Variants in CFTR observed in about 807,000 individuals in gnomAD.
The protein encoded by CFTR is CF transmembrane conductance regulator, also known as cystic fibrosis transmembrane conductance regulator.
In CFTR, 181 loss-of-function variants were observed where a neutral mutation model predicts 171.6. The observed-to-expected ratio is 1.05, with a 90% CI of 0.93 to 1.19. The LOEUF is 1.19. Ranked by LOEUF, CFTR falls within the 50% of genes most tolerant of loss-of-function variation. The pLI is 0.00. For synonymous variants in CFTR, 583 were observed against 608.0 expected, an observed-to-expected ratio of 0.96 and a Z score of 0.60; for missense variants, 1,968 against 1,734.7, an observed-to-expected ratio of 1.13 and a Z score of -2.39.
At position 117,481,217 on chromosome 7, in the gene CFTR, C is replaced by T. The variant is rs1355126682; in HGVS notation, c.53+1070C>T. ...GTTGGCCCTTGAAGGAGAGCTCCTCCCTGTGGATGAGAGAGAAGGACTTTA... is the reference window on the plus strand; with the variant it reads ...GTTGGCCCTTGAAGGAGAGCTCCTCTCTGTGGATGAGAGAGAAGGACTTTA... On this transcript the variant is annotated intron_variant, in intron 1 of 26. Transcript: ENST00000003084. 3.3e-5 allele frequency among the ~76,000 whole-genome samples: 5 copies of T among 152,260 alleles called. 1 individual carries two copies. The highest frequency in any genetic ancestry group is 3.3e-4 in the Admixed American group (5 of 15,302).
chr7:117,549,377 A>C (rs1323027311), intron 10 of CFTR, among the ~76,000 whole-genome samples: 1 of 152,204 alleles, frequency 6.6e-6, no homozygotes, highest in African/African-American at 2.4e-5. Context: ...CCACCCTAAG[A>C]ACAACTTAAC....
chr7:117,573,313 TATA>T (rs1348307275), intron 11 of CFTR, among the ~76,000 whole-genome samples: 4 of 152,198 alleles, frequency 2.6e-5, no homozygotes, highest in South Asian at 2.1e-4. Flanking sequence ...GCACACTTAT[TATA>T]ATATTACTTT....
At chr7:117,505,168 G>A (rs920400789) in intron 2 of CFTR, among the ~76,000 whole-genome samples, 14 of 152,102 alleles carry the variant, frequency 9.2e-5, no homozygotes, top group Admixed American at 1.3e-4. Context: ...AGCAAACTGA[G>A]GCTCAGAGAG....
chr7:117,617,819 A>C (rs2116104505), intron 21 of CFTR, among the ~76,000 whole-genome samples: 1 of 152,238 alleles, frequency 6.6e-6, no homozygotes, highest in Middle Eastern at 3.4e-3. Context: ...ACATATAGCA[A>C]AATATTTGAG....
At chr7:117,626,481 G>A (rs1197251982) in intron 21 of CFTR, among the ~76,000 whole-genome samples, 1 of 151,994 alleles carries the variant, frequency 6.6e-6, no homozygotes, top group African/African-American at 2.4e-5. Flanking sequence ...AATAAAGCCA[G>A]CATCAATAAT....
At position 117,590,445 on chromosome 7, in the gene CFTR, T is replaced by C; in HGVS notation, c.1766+6T>C. On this transcript the variant is annotated splice_donor_region_variant and intron_variant, in intron 13 of 26. Transcript: ENST00000003084. ...GAAAAAGAAATATTTGAAAGGTATG[T>C]TCTTTGAATACCTTACTTATAATGC... The C allele has an allele frequency of 6.3e-7, 1 of 1,598,534 alleles. No homozygotes were observed. Among genetic ancestry groups the C allele is most frequent in the African/African-American group, 1.3e-5 (1 of 74,720 alleles).
chr7:117,556,080 A>T (rs79695770), intron 10 of CFTR, among the ~76,000 whole-genome samples: 1 of 152,202 alleles, frequency 6.6e-6, no homozygotes, highest in African/African-American at 2.4e-5. Flanking sequence ...TATTACTATT[A>T]TTTTTGAGAC....
At chr7:117,579,377 A>G (rs1791818685) in intron 11 of CFTR, among the ~76,000 whole-genome samples, 1 of 151,988 alleles carries the variant, frequency 6.6e-6, no homozygotes, top group South Asian at 2.1e-4. Context: ...TTCACCTAAG[A>G]AGAAAAAATA....
chr7:117,552,375 A>G (rs1171843285), intron 10 of CFTR, among the ~76,000 whole-genome samples: 2 of 152,178 alleles, frequency 1.3e-5, no homozygotes, highest in East Asian at 3.8e-4. Flanking sequence ...ATGTGAAAAT[A>G]TCACTTCTAG....
chr7:117,510,692 C>T (rs1204240717), intron 3 of CFTR, among the ~76,000 whole-genome samples: 1 of 152,020 alleles, frequency 6.6e-6, no homozygotes, highest in Non-Finnish European at 1.5e-5. Flanking sequence ...TTCATGTATG[C>T]AAAAACACCC....
At chr7:117,640,939 T>C (rs779363582) in intron 22 of CFTR, among the ~76,000 whole-genome samples, 3 of 152,260 alleles carry the variant, frequency 2.0e-5, no homozygotes, top group East Asian at 1.9e-4. Flanking sequence ...AAGAATTCAA[T>C]GCAAAACAAG....
chr7:117,563,500 T>A (rs892408884), intron 11 of CFTR, among the ~76,000 whole-genome samples: 3 of 151,678 alleles, frequency 2.0e-5, no homozygotes, highest in African/African-American at 4.8e-5. Flanking sequence ...AAAGAGTGAT[T>A]TTTTTTCTTC....
Position 117,513,586 on chromosome 7 carries a change from A to T in CFTR, c.273+4444A>T, listed in dbSNP as rs541467508. Among the ~76,000 whole-genome samples the T allele has an allele frequency of 2.4e-4, 36 of 152,312 alleles. No individual in the cohort carries two copies. In the South Asian group the frequency reaches 6.6e-3, roughly 28 times the overall value. The stretch of plus-strand genomic sequence containing the variant: ...CCATTTCAAAATATGTGAATGAAAT[A>T]TATGTGGGGGTAAACTATTTTTATT... On this transcript the variant is annotated intron_variant, in intron 3 of 26. Transcript: ENST00000003084.
chr7:117,503,983 G>A (rs2116634682), intron 1 of CFTR, among the ~76,000 whole-genome samples: 1 of 152,214 alleles, frequency 6.6e-6, no homozygotes, highest in African/African-American at 2.4e-5. Flanking sequence ...ATGTTTAGCA[G>A]TTTGTTTTTT....
intron 11 of CFTR, among the ~76,000 whole-genome samples, chr7:117,566,307 C>T (rs1378107367): frequency 4.0e-5 from 6 of 150,908 alleles, no homozygotes; most frequent in Non-Finnish European, 8.9e-5. Flanking sequence ...TGGTGGTGCA[C>T]GTTTGTAGTC....
At chr7:117,615,253 TAAATTGTAGG>T (rs757292889) in intron 21 of CFTR, among the ~76,000 whole-genome samples, 23 of 152,226 alleles carry the variant, frequency 1.5e-4, no homozygotes, top group Non-Finnish European at 2.4e-4. Context: ...CTTCCTTAAT[TAAATTGTAGG>T]AATTTATGAA....
intron 18 of CFTR, among the ~76,000 whole-genome samples, chr7:117,608,292 C>T (rs1415541350): frequency 6.6e-6 from 1 of 152,044 alleles, no homozygotes; most frequent in Non-Finnish European, 1.5e-5. Context: ...GCAACCTCCA[C>T]CTCCTCGGTT....
rs1161149878 is a variant in CFTR, at chr7:117,540,094, T to G, written c.870-6T>G. 1 of 1,610,152 alleles carries G rather than the reference T, an allele frequency of 6.2e-7. No homozygotes were observed. The highest frequency in any genetic ancestry group is 8.5e-7 in the Non-Finnish European group (1 of 1,176,736). The stretch of plus-strand genomic sequence containing the variant: ...TCCTGAATTTTATTGTTATTGTTTT[T>G]TATAGAACAGAACTGAAACTGACTC... On this transcript the variant is annotated splice_region_variant and splice_polypyrimidine_tract_variant and intron_variant, in intron 7 of 26. Coordinates refer to ENST00000003084, the MANE Select transcript of CFTR (RefSeq NM_000492.4).
At chr7:117,595,215 A>G (rs1174073186) in intron 15 of CFTR, among the ~76,000 whole-genome samples, 157 bp downstream of exon 15, 1 of 151,638 alleles carries the variant, frequency 6.6e-6, no homozygotes, top group Non-Finnish European at 1.5e-5. Context: ...CTATATGTAT[A>G]TATGTATATA....
Sources: allele counts gnomAD v4.1 joint callset (sites outside exome capture counted in the v4.1 genomes callset), GRCh38; gene constraint gnomAD v4.1.1; transcripts MANE v1.5; gene names NCBI Gene and HGNC (gene_info 2026-07-23, HGNC 2026-07-21).